Variants in RGS6 observed in about 807,000 individuals in gnomAD.
RGS6 encodes regulator of G protein signaling 6.
A neutral mutation model predicts 78.5 loss-of-function variants in RGS6; 30 were observed. The observed-to-expected ratio is 0.38, with a 90% CI of 0.29 to 0.52. RGS6 has a LOEUF of 0.52. Among genes scored for constraint, RGS6 ranks in the 20% least tolerant of loss-of-function variants. The pLI is 0.85. For missense variants in RGS6, 495 were observed against 609.7 expected, an observed-to-expected ratio of 0.81 and a Z score of 1.98; for synonymous variants, 206 against 206.0, an observed-to-expected ratio of 1.00 and a Z score of 0.00.
intron 2 of RGS6, among the ~76,000 whole-genome samples, chr14:72,133,261 C>T (rs1229002451): frequency 6.6e-6 from 1 of 152,112 alleles, no homozygotes; most frequent in Non-Finnish European, 1.5e-5. Flanking sequence ...TTGCCTTGCT[C>T]CTCCACATTC....
chr14:72,133,147 A>G (rs572573204), intron 2 of RGS6, among the ~76,000 whole-genome samples: 50 of 152,240 alleles, frequency 3.3e-4, no homozygotes, highest in African/African-American at 1.2e-3. Context: ...TTGTTCCCGT[A>G]TCATTTTGCA....
At chr14:71,984,430 A>T (rs1415795273) in intron 2 of RGS6, among the ~76,000 whole-genome samples, 1 of 135,632 alleles carries the variant, frequency 7.4e-6, no homozygotes, top group Non-Finnish European at 1.5e-5. Flanking sequence ...GGATCCCTTG[A>T]GCCCAGGAGT....
chr14:71,955,863 G>A (rs1440294651), intron 1 of RGS6, among the ~76,000 whole-genome samples: 1 of 152,140 alleles, frequency 6.6e-6, no homozygotes, highest in African/African-American at 2.4e-5. Flanking sequence ...AGATGGAGTT[G>A]CTCTGGTTCA....
intron 2 of RGS6, among the ~76,000 whole-genome samples, chr14:72,182,450 A>T (rs374305791): frequency 6.6e-6 from 1 of 151,418 alleles, no homozygotes; most frequent in Non-Finnish European, 1.5e-5. Flanking sequence ...GCAAGAAAGT[A>T]AGAAAGAATA....
chr14:72,290,804 C>T (rs2063447541), intron 2 of RGS6, among the ~76,000 whole-genome samples: 1 of 152,214 alleles, frequency 6.6e-6, no homozygotes. Context: ...GCTACTCTCA[C>T]CAGCAACACC....
intron 4 of RGS6, among the ~76,000 whole-genome samples, chr14:72,455,992 C>A (rs2095619903): frequency 6.6e-6 from 1 of 152,112 alleles, no homozygotes; most frequent in Non-Finnish European, 1.5e-5. Flanking sequence ...AATTGGCGAG[C>A]AGTATGTGAG....
intron 2 of RGS6, among the ~76,000 whole-genome samples, chr14:72,264,797 T>C (rs2058759622): frequency 6.6e-6 from 1 of 152,238 alleles, no homozygotes; most frequent in Admixed American, 6.5e-5. Context: ...CTAGTTTTGC[T>C]AATGCGCCTG....
intron 3 of RGS6, among the ~76,000 whole-genome samples, chr14:72,396,130 C>A (rs2091198769): frequency 6.6e-6 from 1 of 152,198 alleles, no homozygotes; most frequent in African/African-American, 2.4e-5. Flanking sequence ...AATGGTTGAA[C>A]TAGTTTACAG....
At chr14:72,367,430 A>G (rs2082653766) in intron 3 of RGS6, among the ~76,000 whole-genome samples, 1 of 151,978 alleles carries the variant, frequency 6.6e-6, no homozygotes. Context: ...TCTTTGGACA[A>G]CTTTGACCTT....
At chr14:71,910,625 C>T in the RGS6 span, among the ~76,000 whole-genome samples, 20 of 152,094 alleles carry the variant, frequency 1.3e-4, no homozygotes, top group Non-Finnish European at 2.5e-4. Flanking sequence ...TTACGTTTTT[C>T]CCCCAGCAAG....
intron 2 of RGS6, among the ~76,000 whole-genome samples, chr14:72,281,128 G>T (rs923905474): frequency 1.3e-5 from 2 of 149,368 alleles, no homozygotes; most frequent in African/African-American, 4.9e-5. Context: ...TAAAAAGTGA[G>T]AAGTGAAACA....
In RGS6 at chr14:72,002,423, G is replaced by T. The variant is rs1318052322; in HGVS notation, c.84+37548G>T. 2.6e-5 allele frequency among the ~76,000 whole-genome samples: 4 copies of T among 152,192 alleles called. No homozygotes were observed. In the South Asian group the frequency reaches 8.3e-4, roughly 32 times the overall value. The stretch of plus-strand genomic sequence containing the variant: ...TTTTCTTTAATCCTTAAGCATTTCA[G>T]TGTCTAAGGTTTGTATAACATCAGG... On this transcript the variant is annotated intron_variant, in intron 2 of 17. Coordinates refer to ENST00000553525, the MANE Select transcript of RGS6 (RefSeq NM_001204424.2).
At chr14:72,327,605 C>T (rs2074093147) in intron 2 of RGS6, among the ~76,000 whole-genome samples, 1 of 152,178 alleles carries the variant, frequency 6.6e-6, no homozygotes, top group African/African-American at 2.4e-5. Context: ...AAAAGTGATG[C>T]TTTTTATTCA....
chr14:71,957,677 G>A (rs2092893947), intron 1 of RGS6, among the ~76,000 whole-genome samples: 2 of 152,126 alleles, frequency 1.3e-5, no homozygotes, highest in Admixed American at 6.5e-5. Context: ...GACTCCCAGG[G>A]CCAGCATGCC....
intron 2 of RGS6, among the ~76,000 whole-genome samples, chr14:72,342,589 G>A (rs1305617219): frequency 3.3e-5 from 5 of 149,302 alleles, no homozygotes; most frequent in South Asian, 2.1e-4. Context: ...AACTATCCAG[G>A]CGTGGTGGTG....
chr14:72,070,561 A>G (rs1262102256), intron 2 of RGS6, among the ~76,000 whole-genome samples: 6 of 152,162 alleles, frequency 3.9e-5, no homozygotes, highest in African/African-American at 1.4e-4. Flanking sequence ...GCTGGAGATG[A>G]GATCCTTTTA....
Position 71,956,330 on chromosome 14 carries a change from A to AGT in RGS6, c.-20-8415_-20-8414dup, listed in dbSNP as rs113351320. ...TGTTCCCTAGAGGGACAGAACTAAT[A>AGT]GTGTGTGTGTGTGTGTGTGTGTGTG... On this transcript the variant is annotated intron_variant, in intron 1 of 17. Transcript: ENST00000553525. 6.0e-3 allele frequency among the ~76,000 whole-genome samples: 449 copies of AGT among 74,468 alleles called. 5 individuals carry two copies. Among genetic ancestry groups the AGT allele is most frequent in the East Asian group, 0.019 (43 of 2,280 alleles). The allele number at this position is 74,468 out of a possible 152,430, so 48.9% of individuals were successfully genotyped here. A position where few individuals can be genotyped will look rare whatever the true frequency, so the allele number is the denominator to read the frequency against.
intron 2 of RGS6, among the ~76,000 whole-genome samples, chr14:72,141,240 A>T (rs1447231238): frequency 1.3e-5 from 2 of 152,140 alleles, no homozygotes; most frequent in Non-Finnish European, 2.9e-5. Context: ...CCAGCTACAG[A>T]TGGTTAACAC....
chr14:71,964,757 C>T lies in RGS6; in HGVS notation c.-20-15C>T, dbSNP rs753155534. 1.9e-6 allele frequency: 3 copies of T among 1,540,028 alleles called. No homozygotes were observed. Among genetic ancestry groups the T allele is most frequent in the Non-Finnish European group, 8.9e-7 (1 of 1,122,886 alleles). On this transcript the variant is annotated splice_polypyrimidine_tract_variant and intron_variant, in intron 1 of 17. Transcript: ENST00000553525. ...TTCCTTCGTGACTTAATGGTTTATT[C>T]ATTTATTTTTGCAGTGTGAGTGAAG...
Sources: allele counts gnomAD v4.1 joint callset (sites outside exome capture counted in the v4.1 genomes callset), GRCh38; gene constraint gnomAD v4.1.1; transcripts MANE v1.5; gene names NCBI Gene and HGNC (gene_info 2026-07-23, HGNC 2026-07-21).